The following C20orf203 variants were observed in gnomAD, a reference collection of about 807,000 sequenced individuals.
The protein encoded by C20orf203 is uncharacterized protein C20orf203.
A neutral mutation model predicts 15.9 loss-of-function variants in C20orf203; 16 were observed. That is an observed-to-expected ratio of 1.01 (90% CI 0.68 to 1.53). The LOEUF is 1.53. Ranked by LOEUF, C20orf203 falls within the 40% of genes most tolerant of loss-of-function variation. The pLI is 0.00. For missense variants in C20orf203, 263 were observed against 247.5 expected, an observed-to-expected ratio of 1.06 and a Z score of -0.42; for synonymous variants, 98 against 97.2, an observed-to-expected ratio of 1.01 and a Z score of -0.05.
chr20:32,659,946 C>T (rs1201277914), intron 1 of C20orf203, among the ~76,000 whole-genome samples: 1 of 152,170 alleles, frequency 6.6e-6, no homozygotes, highest in Non-Finnish European at 1.5e-5. Flanking sequence ...CATCATCATC[C>T]ACATCAACAC....
intron 1 of C20orf203, chr20:32,656,503 T>G (rs1364926195): frequency 6.6e-5 from 10 of 152,350 alleles, no homozygotes; most frequent in Non-Finnish European, 1.2e-4. Flanking sequence ...TAGAGTTACA[T>G]GATCCAGCAA....
chr20:32,655,528 C>CA (rs1386034934), intron 1 of C20orf203, among the ~76,000 whole-genome samples: 1 of 152,140 alleles, frequency 6.6e-6, no homozygotes, highest in African/African-American at 2.4e-5. Flanking sequence ...GTGTGGTGCT[C>CA]ACTCCTGTAA....
Position 32,650,815 on chromosome 20 carries a change from T to A in C20orf203, c.202A>T (p.Thr68Ser). 2 of 1,481,302 alleles carry A rather than the reference T, an allele frequency of 1.4e-6. No individual in the cohort carries two copies. Among genetic ancestry groups the A allele is most frequent in the South Asian group, 1.4e-5 (1 of 73,604 alleles). The allele number at this position is 1,481,302 out of a possible 1,614,324, so 91.8% of individuals were successfully genotyped here. ...GGGTGGACTCGCTGAGCCTTTGAGG[T>A]CCTCCTTCCCGCCCCACCGCCAAGG... Reference protein sequence around the residue: ...WDLGGGAGRRTSKAQRVHPQP... With the variant: ...WDLGGGAGRRSSKAQRVHPQP... Residue 68 changes from threonine (T) to serine (S), a missense_variant, in exon 4 of 6, where the codon ACC becomes TCC. Transcript: ENST00000608990.
At chr20:32,662,747 G>A (rs924064428) in intron 1 of C20orf203, among the ~76,000 whole-genome samples, 1 of 151,878 alleles carries the variant, frequency 6.6e-6, no homozygotes, top group Non-Finnish European at 1.5e-5. Flanking sequence ...GCCAAGCATG[G>A]TGGCTCATGC....
At chr20:32,638,632 A>C (rs1451453392) in intron 5 of C20orf203, among the ~76,000 whole-genome samples, 1 of 152,228 alleles carries the variant, frequency 6.6e-6, no homozygotes, top group Non-Finnish European at 1.5e-5. Flanking sequence ...CTTGAATGCA[A>C]AACAGCTGCA....
chr20:32,671,396 T>C (rs184986969), intron 1 of C20orf203, among the ~76,000 whole-genome samples: 1 of 152,192 alleles, frequency 6.6e-6, no homozygotes, highest in East Asian at 1.9e-4. Context: ...GGATGAACTT[T>C]GATGACTTTA....
chr20:32,664,165 G>T (rs764877908), intron 1 of C20orf203, among the ~76,000 whole-genome samples: 8 of 152,170 alleles, frequency 5.3e-5, no homozygotes, highest in Non-Finnish European at 1.0e-4. Flanking sequence ...CAGCGCTCTG[G>T]GTTTCTTCTA....
intron 1 of C20orf203, among the ~76,000 whole-genome samples, chr20:32,655,588 T>C (rs1387611877): frequency 6.6e-6 from 1 of 151,752 alleles, no homozygotes; most frequent in East Asian, 1.9e-4. Context: ...AGGTCATGAG[T>C]TCAAGACCAA....
chr20:32,650,778 T>C lies in C20orf203; in HGVS notation c.239A>G (p.His80Arg). 6.6e-7 allele frequency: 1 copy of C among 1,511,564 alleles called. No individual in the cohort carries two copies. Among genetic ancestry groups the C allele is most frequent in the South Asian group, 1.3e-5 (1 of 78,052 alleles). 93.6% of individuals were successfully genotyped at this position (1,511,564 alleles called of 1,614,324 possible). The change falls in exon 4 of 6, where the codon CAC becomes CGC. Residue 80 changes from histidine (H) to arginine (R), a missense_variant. Coordinates refer to ENST00000608990, the MANE Select transcript of C20orf203 (RefSeq NM_182584.4). The part of the protein sequence containing the change: ...KAQRVHPQPS[H>R]QRQPPPPQHP... ...TTGCGGAGGAGGAGGCTGGCGCTGG[T>C]GGCTGGGCTGGGGGTGGACTCGCTG...
At chr20:32,661,889 C>G (rs1329729936) in intron 1 of C20orf203, among the ~76,000 whole-genome samples, 1 of 152,192 alleles carries the variant, frequency 6.6e-6, no homozygotes, top group Non-Finnish European at 1.5e-5. Context: ...AGCATCAGCT[C>G]ATAGGTAGCA....
Position 32,633,975 on chromosome 20 carries a change from C to A in C20orf203, c.*1595G>T. 2.5e-6 allele frequency: 1 copy of A among 398,588 alleles called. No homozygotes were observed. Among genetic ancestry groups the A allele is most frequent in the Non-Finnish European group, 4.4e-6 (1 of 226,070 alleles). 24.7% of individuals were successfully genotyped at this position (398,588 alleles called of 1,614,324 possible). A position where few individuals can be genotyped will look rare whatever the true frequency, so the allele number is the denominator to read the frequency against. ...CTTCCCCACTCCGGACTGTTTCATG[C>A]GTTCATTCATGTGTCCAACTCTTCA... On this transcript the variant is annotated 3_prime_UTR_variant, in exon 6 of 6. Coordinates refer to ENST00000608990, the MANE Select transcript of C20orf203 (RefSeq NM_182584.4).
intron 5 of C20orf203, among the ~76,000 whole-genome samples, chr20:32,634,730 C>A (rs761702514): frequency 9.9e-5 from 15 of 151,994 alleles, no homozygotes; most frequent in Admixed American, 6.6e-5. Flanking sequence ...AGGCACCAGA[C>A]AATGCATCTG....
intron 5 of C20orf203, among the ~76,000 whole-genome samples, chr20:32,635,347 A>G (rs1421418264): frequency 6.6e-6 from 1 of 151,322 alleles, no homozygotes; most frequent in South Asian, 2.1e-4. Flanking sequence ...AAAAATACAA[A>G]AATTAGCCAG....
At chr20:32,653,032 A>T (rs964774843) in intron 1 of C20orf203, among the ~76,000 whole-genome samples, 1 of 152,162 alleles carries the variant, frequency 6.6e-6, no homozygotes, top group African/African-American at 2.4e-5. Flanking sequence ...CCTGGAAAAT[A>T]GGCGCTGCTC....
intron 4 of C20orf203, among the ~76,000 whole-genome samples, chr20:32,642,388 A>G (rs1181789051): frequency 6.6e-6 from 1 of 152,224 alleles, no homozygotes; most frequent in East Asian, 1.9e-4. Context: ...ACAGACAAGT[A>G]TATCTCTAGG....
Position 32,633,927 on chromosome 20 carries a change from G to A in C20orf203, c.*1643C>T, listed in dbSNP as rs563823612. On this transcript the variant is annotated 3_prime_UTR_variant, in exon 6 of 6. Transcript: ENST00000608990. ...TCCGCCTGGACTGGATGCTTCTCCC[G>A]GATCCTGATGCCTGAGCTTCAGCTT... The A allele has an allele frequency of 7.5e-6, 3 of 398,058 alleles. No homozygotes were observed. The highest frequency in any genetic ancestry group is 1.4e-4 in the South Asian group (1 of 7,354). 24.7% of individuals were successfully genotyped at this position (398,058 alleles called of 1,614,324 possible). A position where few individuals can be genotyped will look rare whatever the true frequency, so the allele number is the denominator to read the frequency against.
At chr20:32,636,462 A>G (rs976286211) in intron 5 of C20orf203, among the ~76,000 whole-genome samples, 2 of 152,158 alleles carry the variant, frequency 1.3e-5, no homozygotes, top group African/African-American at 4.8e-5. Flanking sequence ...GCCCCAGTGG[A>G]TAACCTTGCA....
intron 5 of C20orf203, among the ~76,000 whole-genome samples, chr20:32,634,595 T>C (rs1379979737): frequency 3.9e-5 from 6 of 152,122 alleles, no homozygotes; most frequent in Non-Finnish European, 5.9e-5. Context: ...GCGGTGTTTT[T>C]ATCACAGAAA....
At chr20:32,648,511 G>C (rs981769387) in intron 4 of C20orf203, among the ~76,000 whole-genome samples, 1 of 143,330 alleles carries the variant, frequency 7.0e-6, no homozygotes, top group Non-Finnish European at 1.5e-5. Context: ...TGTGACGGTG[G>C]CTCACTGCAA....
Sources: allele counts gnomAD v4.1 joint callset (sites outside exome capture counted in the v4.1 genomes callset), GRCh38; gene constraint gnomAD v4.1.1; transcripts MANE v1.5; gene names NCBI Gene and HGNC (gene_info 2026-07-23, HGNC 2026-07-21).